BMPER: variants seen among roughly 807,000 people sequenced by gnomAD.
BMPER encodes BMP binding endothelial regulator.
BMPER carries 45 observed loss-of-function variants against 87.3 expected under a neutral mutation model. The observed-to-expected ratio is 0.52, with a 90% CI of 0.41 to 0.66. The LOEUF (loss-of-function observed/expected upper bound fraction) is 0.66. BMPER is among the 30% of genes least tolerant of loss of function. The pLI, the probability that BMPER is intolerant of heterozygous loss-of-function variation, is 0.00. For missense variants in BMPER, 784 were observed against 867.5 expected (o/e 0.90, Z 1.21); for synonymous variants, 326 against 316.2 (o/e 1.03, Z -0.33).
At chr7:34,086,195 C>G (rs1789205309) in intron 13 of BMPER, 103 bp downstream of exon 13, 3 of 1,340,294 alleles carry the variant, frequency 2.2e-6, no homozygotes, top group Admixed American at 3.9e-5. Flanking sequence ...GACAAAGGCT[C>G]AAAACCCAGG....
chr7:33,969,151 G>A (rs1487697760), intron 4 of BMPER, among the ~76,000 whole-genome samples: 1 of 152,128 alleles, frequency 6.6e-6, no homozygotes, highest in Non-Finnish European at 1.5e-5. Flanking sequence ...TGTGGTAGCA[G>A]ACACGATGAA....
chr7:34,031,899 T>C (rs1373618936), intron 6 of BMPER, among the ~76,000 whole-genome samples: 1 of 117,576 alleles, frequency 8.5e-6, no homozygotes, highest in African/African-American at 3.5e-5. Context: ...TATATATATA[T>C]ATATATATAT....
rs777064404 is a variant in BMPER, at chr7:34,055,291, C to G, written c.915C>G (p.Asn305Lys). 6 of 1,614,026 alleles carry G rather than the reference C, an allele frequency of 3.7e-6. No homozygotes were observed. Among genetic ancestry groups the G allele is most frequent in the Non-Finnish European group, 5.1e-6 (6 of 1,179,996 alleles). ...ACATCAAAGTATGCAAATTTGGCAA[C>G]AAGATTTTCCAGGTATGTCATGAGA... ...PEDIKVCKFG[N>K]KIFQDGEMWS... The change falls in exon 9 of 15, where the codon AAC becomes AAG. Residue 305 changes from asparagine (N) to lysine (K), a missense_variant. By Grantham distance (94) the Asn-to-Lys change is moderately conservative (BLOSUM62 0). Transcript: ENST00000649409.
chr7:33,918,588 G>T (rs1784140454), intron 2 of BMPER, among the ~76,000 whole-genome samples: 1 of 152,168 alleles, frequency 6.6e-6, no homozygotes, highest in Admixed American at 6.5e-5. Context: ...TGGTCTCAGG[G>T]GAACACTCTT....
chr7:34,083,116 A>G (rs759655949), intron 12 of BMPER, among the ~76,000 whole-genome samples: 1 of 152,188 alleles, frequency 6.6e-6, no homozygotes, highest in Non-Finnish European at 1.5e-5. Flanking sequence ...GGCTTCACAG[A>G]TTGAGTGTAT....
intron 13 of BMPER, among the ~76,000 whole-genome samples, chr7:34,138,103 C>T (rs765654932): frequency 2.6e-5 from 4 of 152,212 alleles, no homozygotes; most frequent in Non-Finnish European, 5.9e-5. Flanking sequence ...GCTAATGATA[C>T]TGACAAACTG....
intron 12 of BMPER, among the ~76,000 whole-genome samples, chr7:34,082,599 ATG>A: frequency 6.6e-6 from 1 of 152,144 alleles, no homozygotes; most frequent in East Asian, 1.9e-4. Flanking sequence ...TGTTTTATGA[ATG>A]AGATGTCACG....
intron 2 of BMPER, among the ~76,000 whole-genome samples, chr7:33,933,025 C>T (rs1053532527): frequency 6.6e-6 from 1 of 152,176 alleles, no homozygotes; most frequent in African/African-American, 2.4e-5. Context: ...GCTGCAATTC[C>T]TGAGACCGGG....
At chr7:33,951,563 T>C (rs1462152409) in intron 3 of BMPER, among the ~76,000 whole-genome samples, 1 of 152,128 alleles carries the variant, frequency 6.6e-6, no homozygotes, top group Non-Finnish European at 1.5e-5. Context: ...TAACCTCAAT[T>C]GTGATTCAGC....
Position 34,083,808 on chromosome 7 carries a change from C to T in BMPER, c.1409-1948C>T, listed in dbSNP as rs533988996. On this transcript the variant is annotated intron_variant, in intron 12 of 14. Coordinates refer to ENST00000649409, the MANE Select transcript of BMPER (RefSeq NM_001365308.1). ...CTCTCTCTCTCTCTCTCCTTCCCTC[C>T]CACACTCCCTCCCACTATTTCTCTT... Among the ~76,000 whole-genome samples the T allele has an allele frequency of 6.6e-5, 10 of 152,070 alleles. No homozygotes were observed. In the East Asian group the frequency reaches 1.9e-3, roughly 29 times the overall value.
At chr7:33,944,102 G>T (rs1446197449) in intron 3 of BMPER, among the ~76,000 whole-genome samples, 2 of 151,982 alleles carry the variant, frequency 1.3e-5, no homozygotes, top group Non-Finnish European at 2.9e-5. Flanking sequence ...AGAATGTGGG[G>T]AATGTTTTAC....
In BMPER at chr7:34,046,927, T is replaced by TTTA. The variant is rs1554310099; in HGVS notation, c.676+524_676+525insATT. On this transcript the variant is annotated intron_variant, in intron 7 of 14. Coordinates refer to ENST00000649409, the MANE Select transcript of BMPER (RefSeq NM_001365308.1). ...ATTAGGCACCATGCTAGGCACTTTA[T>TTTA]TTTTTTTTTTTTCTCATTTTATCTT... Among the ~76,000 whole-genome samples, 166 of 38,218 alleles carry TTTA rather than the reference T, an allele frequency of 4.3e-3. 2 individuals carry two copies. The highest frequency in any genetic ancestry group is 0.018 in the Admixed American group (58 of 3,242). The allele number at this position is 38,218 out of a possible 152,430, so 25.1% of individuals were successfully genotyped here.
intron 6 of BMPER, among the ~76,000 whole-genome samples, chr7:34,031,744 C>G (rs1787520844): frequency 6.6e-6 from 1 of 151,424 alleles, no homozygotes. Flanking sequence ...CACATTGTTG[C>G]ATATAATTTT....
At chr7:33,907,591 G>A in intron 2 of BMPER, among the ~76,000 whole-genome samples, 1 of 152,182 alleles carries the variant, frequency 6.6e-6, no homozygotes, top group Non-Finnish European at 1.5e-5. Context: ...TTAATGATAA[G>A]TCTAATAAGT....
intron 6 of BMPER, among the ~76,000 whole-genome samples, chr7:34,026,777 A>G (rs1361839313): frequency 6.6e-6 from 1 of 152,134 alleles, no homozygotes; most frequent in Non-Finnish European, 1.5e-5. Flanking sequence ...TCTTAGGCTC[A>G]TACTTCATTT....
intron 14 of BMPER, 50 bp from the exon 15 acceptor site, chr7:34,153,042 T>A (rs764468268): frequency 6.2e-7 from 1 of 1,606,938 alleles, no homozygotes; most frequent in East Asian, 2.2e-5. Context: ...TGAGGGTGAA[T>A]TAATGGGGCC....
intron 6 of BMPER, among the ~76,000 whole-genome samples, chr7:34,002,920 G>A (rs935400542): frequency 1.3e-5 from 2 of 151,264 alleles, no homozygotes; most frequent in Non-Finnish European, 3.0e-5. Flanking sequence ...TGTGTCTCTT[G>A]TAGACAGTAT....
intron 6 of BMPER, among the ~76,000 whole-genome samples, chr7:34,028,626 T>TTTTTTTTTTTTTTTC (rs1787438912): frequency 7.6e-6 from 1 of 132,018 alleles, no homozygotes; most frequent in Non-Finnish European, 1.6e-5. Context: ...TTTTTTTTTT[T>TTTTTTTTTTTTTTTC]TTTTTTTGTA....
At chr7:34,101,719 C>T (rs183413101) in intron 13 of BMPER, among the ~76,000 whole-genome samples, 94 of 152,240 alleles carry the variant, frequency 6.2e-4, no homozygotes, top group Non-Finnish European at 9.7e-4. Context: ...GAACTGTGAC[C>T]GACTTCCTGT....
Sources: gnomAD v4.1 joint callset for allele counts (sites outside exome capture counted in the v4.1 genomes callset) on GRCh38, gnomAD v4.1.1 for gene constraint, MANE v1.5 for transcripts, NCBI Gene and HGNC (gene_info 2026-07-23, HGNC 2026-07-21) for gene names.